Variants in SOX5 observed in about 807,000 individuals in gnomAD.
SOX5 encodes the protein SRY-box transcription factor 5, also known as transcription factor SOX-5.
A neutral mutation model predicts 92.0 loss-of-function variants in SOX5; 9 were observed. The observed-to-expected ratio is 0.10, with a 90% CI of 0.06 to 0.17. The LOEUF (loss-of-function observed/expected upper bound fraction) is 0.17. Among genes scored for constraint, SOX5 ranks in the 10% least tolerant of loss-of-function variants. SOX5 has a pLI of 1.00. For synonymous variants in SOX5, 344 were observed against 336.3 expected (o/e 1.02, Z -0.25); for missense variants, 642 against 944.5 (o/e 0.68, Z 4.20).
intron 1 of SOX5, among the ~76,000 whole-genome samples, chr12:24,385,511 A>G (rs1339580322): frequency 6.6e-6 from 1 of 152,194 alleles, no homozygotes; most frequent in Non-Finnish European, 1.5e-5. Context: ...GACTAGAGTT[A>G]AGATAATCCA....
intron 3 of SOX5, among the ~76,000 whole-genome samples, chr12:24,258,980 T>C (rs1181007059): frequency 6.6e-6 from 1 of 152,230 alleles, no homozygotes; most frequent in Non-Finnish European, 1.5e-5. Context: ...TCTTCTAGGC[T>C]ACCTCTCCAG....
intron 8 of SOX5, among the ~76,000 whole-genome samples, chr12:23,618,440 C>G (rs1451007473): frequency 6.6e-6 from 1 of 152,108 alleles, no homozygotes; most frequent in Non-Finnish European, 1.5e-5. Flanking sequence ...AAACAGCATT[C>G]TAACTCAATA....
At chr12:24,126,138 T>G (rs1949082145) in intron 4 of SOX5, among the ~76,000 whole-genome samples, 1 of 152,250 alleles carries the variant, frequency 6.6e-6, no homozygotes, top group Non-Finnish European at 1.5e-5. Flanking sequence ...CTGAAGTTCC[T>G]CAGGGCTATG....
chr12:24,391,540 A>G (rs1235303743), intron 1 of SOX5, among the ~76,000 whole-genome samples: 3 of 152,274 alleles, frequency 2.0e-5, no homozygotes, highest in African/African-American at 7.2e-5. Context: ...CTTGATAGAG[A>G]TATACTAATC....
chr12:24,134,704 G>C (rs1298049718), intron 4 of SOX5, among the ~76,000 whole-genome samples: 1 of 152,146 alleles, frequency 6.6e-6, no homozygotes, highest in Admixed American at 6.5e-5. Flanking sequence ...CCAGAGATGG[G>C]AGAATTGAAC....
At chr12:23,717,945 T>G (rs2092602899) in intron 6 of SOX5, among the ~76,000 whole-genome samples, 1 of 152,200 alleles carries the variant, frequency 6.6e-6, no homozygotes, top group African/African-American at 2.4e-5. Flanking sequence ...TTTTTGATTT[T>G]AATAGAGAAA....
intron 9 of SOX5, among the ~76,000 whole-genome samples, chr12:23,578,141 A>AAAAAAAAAAAAAAAAC (rs1565983838): frequency 1.5e-5 from 2 of 136,272 alleles, no homozygotes; most frequent in African/African-American, 5.4e-5. Context: ...AAAAAAAAAA[A>AAAAAAAAAAAAAAAAC]AAAAAAAAAC....
chr12:23,757,610 T>C (rs1356113815), intron 3 of SOX5, among the ~76,000 whole-genome samples: 1 of 151,928 alleles, frequency 6.6e-6, no homozygotes, highest in Admixed American at 6.6e-5. Flanking sequence ...GAGTAGCATG[T>C]AAACAGGGCA....
chr12:23,941,388 G>A (rs943229010), intron 1 of SOX5, among the ~76,000 whole-genome samples: 1 of 151,510 alleles, frequency 6.6e-6, no homozygotes, highest in Non-Finnish European at 1.5e-5. Flanking sequence ...CTGTTTATAG[G>A]TCAAATTAGA....
Position 24,014,338 on chromosome 12 carries a change from G to A in SOX5, c.-1-118314C>T, listed in dbSNP as rs575451551. On this transcript the variant is annotated intron_variant, in intron 4 of 4. Transcript: ENST00000446891. ...GGCATACCAACCTGTGAGAATATGA[G>A]GGAGAAAGCATTATGCTCATCAGAG... is the stretch of plus-strand genomic sequence containing the variant. Among the ~76,000 whole-genome samples the A allele has an allele frequency of 1.3e-3, 197 of 152,258 alleles. 1 individual carries two copies. The highest frequency in any genetic ancestry group is 4.5e-3 in the African/African-American group (188 of 41,556).
At chr12:24,094,880 TATA>T (rs1945131074) in intron 4 of SOX5, among the ~76,000 whole-genome samples, 1 of 152,156 alleles carries the variant, frequency 6.6e-6, no homozygotes, top group African/African-American at 2.4e-5. Context: ...CTTTTAGCTT[TATA>T]ATAAGTCATG....
At chr12:23,864,868 A>G (rs1317253515) in intron 2 of SOX5, among the ~76,000 whole-genome samples, 2 of 152,224 alleles carry the variant, frequency 1.3e-5, no homozygotes. Flanking sequence ...TGGCTATACA[A>G]AAACACAGAT....
chr12:23,763,919 G>A (rs1264949259), intron 3 of SOX5, among the ~76,000 whole-genome samples: 2 of 152,058 alleles, frequency 1.3e-5, no homozygotes, highest in East Asian at 3.9e-4. Context: ...ATAAAAATGG[G>A]AGAGTGCAGC....
At position 23,845,986 on chromosome 12, in the gene SOX5, C is replaced by T; in HGVS notation, c.478G>A (p.Glu160Lys). 6.2e-7 allele frequency: 1 copy of T among 1,613,156 alleles called. No homozygotes were observed. The highest frequency in any genetic ancestry group is 1.1e-5 in the South Asian group (1 of 91,056). The change falls in exon 3 of 15, where the codon GAA (glutamate) becomes AAA (lysine). Residue 160 changes from glutamate to lysine, a missense_variant. Physicochemically the swap from Glu to Lys is moderately conservative, Grantham distance 56. Coordinates refer to ENST00000451604, the MANE Select transcript of SOX5 (RefSeq NM_006940.6). ...TGTTTTCTCTTCCAGCCTTTACCTT[C>T]CGGCTCGTTTTTGATGAGCTCTTCC... ...KMEELIKNEP[E>K]ETPSIEKLLS...
chr12:23,918,908 C>G (rs1349701708), intron 1 of SOX5, among the ~76,000 whole-genome samples: 4 of 150,376 alleles, frequency 2.7e-5, no homozygotes, highest in Non-Finnish European at 5.9e-5. Flanking sequence ...CATAGCAAGA[C>G]TCCATTTCAA....
At chr12:24,323,784 T>A (rs1950424894) in intron 2 of SOX5, among the ~76,000 whole-genome samples, 1 of 152,142 alleles carries the variant, frequency 6.6e-6, no homozygotes, top group African/African-American at 2.4e-5. Flanking sequence ...GTACCTAGTA[T>A]GCTGGTTTTA....
intron 4 of SOX5, among the ~76,000 whole-genome samples, chr12:23,985,462 G>A (rs536252154): frequency 1.5e-3 from 231 of 152,138 alleles, no homozygotes; most frequent in Admixed American, 2.1e-3. Flanking sequence ...ATAATGAGTG[G>A]CAGTGCACAC....
chr12:24,515,076 A>G (rs918248337), intron 1 of SOX5, among the ~76,000 whole-genome samples: 1 of 152,236 alleles, frequency 6.6e-6, no homozygotes, highest in Non-Finnish European at 1.5e-5. Flanking sequence ...AAATATTTAA[A>G]GATATGAAGA....
At chr12:24,478,541 T>C (rs1162246584) in intron 1 of SOX5, among the ~76,000 whole-genome samples, 1 of 152,188 alleles carries the variant, frequency 6.6e-6, no homozygotes, top group African/African-American at 2.4e-5. Context: ...TCCCTCAAGC[T>C]CCATTAATTC....
Sources: allele counts gnomAD v4.1 joint callset (sites outside exome capture counted in the v4.1 genomes callset), GRCh38; gene constraint gnomAD v4.1.1; transcripts MANE v1.5; gene names NCBI Gene and HGNC (gene_info 2026-07-23, HGNC 2026-07-21).